SUCLG2: variants seen among roughly 807,000 people sequenced by gnomAD.
SUCLG2 encodes succinate-CoA ligase GDP-forming subunit beta.
SUCLG2 carries 42 observed loss-of-function variants against 47.9 expected under a neutral mutation model. That is an observed-to-expected ratio of 0.88 (90% CI 0.69 to 1.14). The LOEUF (loss-of-function observed/expected upper bound fraction) is 1.14, where lower values mean the gene tolerates loss of function less well. Ranked by LOEUF, SUCLG2 falls within the 50% of genes most tolerant of loss-of-function variation. SUCLG2 has a pLI of 0.00. For missense variants in SUCLG2, 571 were observed against 525.9 expected (o/e 1.09, Z -0.84); for synonymous variants, 195 against 197.3 (o/e 0.99, Z 0.10).
At chr3:67,430,175 T>C (rs574458336) in intron 9 of SUCLG2, among the ~76,000 whole-genome samples, 1 of 152,300 alleles carries the variant, frequency 6.6e-6, no homozygotes, top group South Asian at 2.1e-4. Context: ...ATTGCACTTA[T>C]TCCAAAATTG....
At chr3:67,638,436 T>C (rs6791337) in intron 1 of SUCLG2, among the ~76,000 whole-genome samples, 44,246 of 152,062 alleles carry the variant, frequency 0.29, 6,997 homozygotes, top group Non-Finnish European at 0.36. Context: ...TAGTTGACAG[T>C]GTGAAGCTGT....
intron 2 of SUCLG2, among the ~76,000 whole-genome samples, chr3:67,587,013 T>A (rs1708039241): frequency 6.6e-6 from 1 of 152,150 alleles, no homozygotes; most frequent in Admixed American, 6.5e-5. Context: ...TATTAATGTA[T>A]CCAGTCTTGA....
intron 2 of SUCLG2, among the ~76,000 whole-genome samples, chr3:67,541,411 T>C (rs1277925280): frequency 6.6e-6 from 1 of 152,036 alleles, no homozygotes; most frequent in Non-Finnish European, 1.5e-5. Context: ...GCTAGATCGA[T>C]CAAGTGGAAG....
intron 2 of SUCLG2, among the ~76,000 whole-genome samples, chr3:67,563,025 A>G (rs528764935): frequency 1.3e-5 from 2 of 151,000 alleles, no homozygotes; most frequent in East Asian, 3.9e-4. Context: ...GATATAGCTT[A>G]GGAATTATAA....
At position 67,620,584 on chromosome 3, in the gene SUCLG2, C is replaced by CAAAA. The variant is rs71109890; in HGVS notation, c.85-10992_85-10989dup. On this transcript the variant is annotated intron_variant, in intron 1 of 10. Coordinates refer to ENST00000307227, the MANE Select transcript of SUCLG2 (RefSeq NM_003848.4). ...TGGGTGACACAGTGAGACTCCATCTCAAAAAAAAAAAAAAAAAAAGAAAGA... is the reference window on the plus strand; with the variant it reads ...TGGGTGACACAGTGAGACTCCATCTCAAAAAAAAAAAAAAAAAAAAAAAGAAAGA... 8.4e-4 allele frequency among the ~76,000 whole-genome samples: 53 copies of CAAAA among 63,258 alleles called. 4 individuals carry two copies. Among genetic ancestry groups the CAAAA allele is most frequent in the African/African-American group, 2.0e-3 (32 of 16,260 alleles). The allele number at this position is 63,258 out of a possible 152,430, so 41.5% of individuals were successfully genotyped here.
At chr3:67,422,071 T>C (rs1014285178) in intron 9 of SUCLG2, among the ~76,000 whole-genome samples, 11 of 152,192 alleles carry the variant, frequency 7.2e-5, no homozygotes, top group African/African-American at 2.7e-4. Flanking sequence ...CAGAACTGAA[T>C]GGCTGTCAGC....
intron 10 of SUCLG2, among the ~76,000 whole-genome samples, chr3:67,377,482 G>GTC: frequency 6.6e-6 from 1 of 152,070 alleles, no homozygotes; most frequent in Admixed American, 6.5e-5. Flanking sequence ...CATTTCCCAG[G>GTC]CCCCCCTGCA....
intron 9 of SUCLG2, among the ~76,000 whole-genome samples, chr3:67,438,027 A>T (rs949844129): frequency 1.3e-5 from 2 of 152,116 alleles, no homozygotes; most frequent in African/African-American, 2.4e-5. Context: ...ATTAGTGATA[A>T]AAAGACTGTG....
intron 6 of SUCLG2, among the ~76,000 whole-genome samples, chr3:67,517,787 T>A (rs1444478337): frequency 6.6e-6 from 1 of 152,220 alleles, no homozygotes; most frequent in African/African-American, 2.4e-5. Context: ...TTATTAATAT[T>A]AATACCATTA....
intron 1 of SUCLG2, among the ~76,000 whole-genome samples, chr3:67,619,263 G>A (rs544349388): frequency 2.0e-5 from 3 of 152,244 alleles, no homozygotes; most frequent in Admixed American, 2.0e-4. Context: ...GCATTACCTC[G>A]TGAGATTCTC....
At chr3:67,462,164 T>C (rs370345111) in intron 9 of SUCLG2, among the ~76,000 whole-genome samples, 52 of 148,198 alleles carry the variant, frequency 3.5e-4, no homozygotes, top group African/African-American at 1.2e-3. Flanking sequence ...CAAAAAACAA[T>C]CTCTCTCTCT....
At chr3:67,439,145 T>A (rs528925112) in intron 9 of SUCLG2, among the ~76,000 whole-genome samples, 20 of 152,360 alleles carry the variant, frequency 1.3e-4, no homozygotes, top group Non-Finnish European at 2.6e-4. Flanking sequence ...ACCACATGAT[T>A]ATCTCAATAG....
chr3:67,441,518 GCATCCCTAAC>G (rs1002113089), intron 9 of SUCLG2, among the ~76,000 whole-genome samples: 2 of 152,136 alleles, frequency 1.3e-5, no homozygotes, highest in African/African-American at 4.8e-5. Context: ...TTCTGAGACT[GCATCCCTAAC>G]CAACAGTTTG....
chr3:67,553,330 C>G (rs1183183870), intron 2 of SUCLG2, among the ~76,000 whole-genome samples: 1 of 152,200 alleles, frequency 6.6e-6, no homozygotes, highest in Non-Finnish European at 1.5e-5. Context: ...CACAAAGGGT[C>G]CACTTGTGGT....
At chr3:67,597,968 A>C (rs998978850) in intron 2 of SUCLG2, among the ~76,000 whole-genome samples, 3 of 151,716 alleles carry the variant, frequency 2.0e-5, no homozygotes. Flanking sequence ...ACAACAACAA[A>C]AAACTCTCAT....
chr3:67,393,515 C>T (rs1343162946), intron 10 of SUCLG2, among the ~76,000 whole-genome samples: 1 of 152,208 alleles, frequency 6.6e-6, no homozygotes, highest in Non-Finnish European at 1.5e-5. Context: ...ACAAAGCAGC[C>T]AGGAAGCTCG....
intron 10 of SUCLG2, among the ~76,000 whole-genome samples, chr3:67,378,717 T>C (rs765788650): frequency 1.1e-4 from 16 of 152,220 alleles, no homozygotes; most frequent in Non-Finnish European, 2.2e-4. Context: ...TTGGGGTAAT[T>C]TGTTAAGTGC....
rs189405426 is a variant in SUCLG2 at position 67,382,169 on chromosome 3, T to G, written c.1184-6310A>C. 9.3e-4 allele frequency among the ~76,000 whole-genome samples: 141 copies of G among 152,344 alleles called. 2 individuals carry two copies. Among genetic ancestry groups the G allele is most frequent in the Admixed American group, 9.2e-3 (141 of 15,308 alleles). Reference sequence around the variant, plus strand: ...TTAGGTGCAACAAATGTTTGTTGGATACATGAGTTAAGGGATTTACAAGTA... The same window carrying G: ...TTAGGTGCAACAAATGTTTGTTGGAGACATGAGTTAAGGGATTTACAAGTA... On this transcript the variant is annotated intron_variant, in intron 10 of 10. Coordinates refer to ENST00000307227, the MANE Select transcript of SUCLG2 (RefSeq NM_003848.4).
intron 1 of SUCLG2, among the ~76,000 whole-genome samples, chr3:67,633,970 C>T (rs1700967687): frequency 6.6e-6 from 1 of 152,202 alleles, no homozygotes; most frequent in Non-Finnish European, 1.5e-5. Context: ...TAAGACTACT[C>T]CATTCCTGGA....
Sources: gnomAD v4.1 joint callset for allele counts (sites outside exome capture counted in the v4.1 genomes callset) on GRCh38, gnomAD v4.1.1 for gene constraint, MANE v1.5 for transcripts, NCBI Gene and HGNC (gene_info 2026-07-23, HGNC 2026-07-21) for gene names.